The following GPR179 variants were observed in gnomAD, a reference collection of about 807,000 sequenced individuals.
GPR179 encodes G protein-coupled receptor 179.
GPR179 carries 52 observed loss-of-function variants against 70.8 expected under a neutral mutation model. The observed-to-expected ratio is 0.73, with a 90% CI of 0.59 to 0.93. GPR179 has a LOEUF of 0.93. Ranked by LOEUF, GPR179 falls within the 40% of genes least tolerant of loss-of-function variation. The pLI is 0.00. For synonymous variants in GPR179, 1,123 were observed against 1,169.0 expected, an observed-to-expected ratio of 0.96 and a Z score of 0.80; for missense variants, 2,734 against 2,966.8, an observed-to-expected ratio of 0.92 and a Z score of 1.82.
intron 3 of GPR179, 93 bp downstream of exon 3, chr17:38,337,540 G>T: frequency 8.9e-7 from 1 of 1,117,766 alleles, no homozygotes; most frequent in Non-Finnish European, 1.3e-6. Context: ...CCCTCCCAGT[G>T]TCTCACCCCA....
chr17:38,326,559 G>C lies in GPR179; in HGVS notation c.7010C>G (p.Ser2337Cys), dbSNP rs1319754448. 2 of 1,614,220 alleles carry C rather than the reference G, an allele frequency of 1.2e-6. No homozygotes were observed. Among genetic ancestry groups the C allele is most frequent in the South Asian group, 1.1e-5 (1 of 91,086 alleles). The change falls in exon 11 of 11, where the codon TCT becomes TGT. Residue 2337 changes from serine (S) to cysteine (C), a missense_variant. By Grantham distance (112) the Ser-to-Cys change is moderately radical. Coordinates refer to ENST00000616987, the MANE Select transcript of GPR179 (RefSeq NM_001004334.4). ...GCCTGAGTCTTCAGTTAAGGACGAA[G>C]ACTGAGACTCAGCTTCCTGGAGACT... ...EPSLQEAESQ[S>C]SSLTEDSGQV... is the part of the protein sequence containing the mutation.
intron 10 of GPR179, 144 bp from the exon 11 acceptor site, chr17:38,331,675 T>A (rs1157122938): frequency 2.1e-6 from 3 of 1,418,182 alleles, no homozygotes; most frequent in Non-Finnish European, 9.2e-7. Flanking sequence ...TCTAAAACTC[T>A]CGTAATTCAC....
chr17:38,337,879 CTT>C (rs1345680319), intron 2 of GPR179, among the ~76,000 whole-genome samples, 159 bp from the exon 3 acceptor site: 3 of 152,224 alleles, frequency 2.0e-5, no homozygotes, highest in Non-Finnish European at 2.9e-5. Context: ...CTTGGGAAGC[CTT>C]CCCTCTGTGG....
rs548138604 is a variant in GPR179, at chr17:38,331,925, A to G, written c.2038-394T>C. ...CAGTGTTAACTTCCTTAAGAGCATT[A>G]TATGAGATTGATGAGACTAGTGGGT... On this transcript the variant is annotated intron_variant, in intron 10 of 10. Transcript: ENST00000616987. Among the ~76,000 whole-genome samples the G allele has an allele frequency of 2.2e-4, 34 of 152,308 alleles. No homozygotes were observed. In the East Asian group the frequency reaches 5.8e-3, roughly 26 times the overall value.
chr17:38,343,243 C>G lies in GPR179; in HGVS notation c.547G>C (p.Val183Leu). 1 of 1,614,160 alleles carries G rather than the reference C, an allele frequency of 6.2e-7. No homozygotes were observed. The highest frequency in any genetic ancestry group is 1.1e-5 in the South Asian group (1 of 91,086). Residue 183 changes from valine (V) to leucine (L), a missense_variant, in exon 1 of 11, where the codon GTG becomes CTG. Coordinates refer to ENST00000616987, the MANE Select transcript of GPR179 (RefSeq NM_001004334.4). This position sits in a 1 kb window ranked among gnomAD's most constrained non-coding sequence, Gnocchi z 4.2. ...TILQDLSGNW[V>L]QEENPPGDLD... is the part of the protein sequence containing the mutation. ...TCCCCAGGAGGGTTCTCCTCCTGCACCCAGTTCCCAGACAAGTCCTGCAGG... is the reference window on the plus strand; with the variant it reads ...TCCCCAGGAGGGTTCTCCTCCTGCAGCCAGTTCCCAGACAAGTCCTGCAGG...
chr17:38,331,355 T>C lies in GPR179; in HGVS notation c.2214A>G (p.Ser738=), dbSNP rs778119474. The C allele has an allele frequency of 6.2e-7, 1 of 1,612,776 alleles. No individual in the cohort carries two copies. The highest frequency in any genetic ancestry group is 8.5e-7 in the Non-Finnish European group (1 of 1,179,600). The stretch of plus-strand genomic sequence containing the variant: ...GCAGGCTGCCGTGGCCTGGGGATCC[T>C]GAGTCCCGGGAGTGCTGCCTGGCCA... ...EALARQHSRD[S]GSPGHGSLPG... The change falls in exon 11 of 11, where the codon TCA becomes TCG. Residue 738 remains serine, a synonymous_variant. Coordinates refer to ENST00000616987, the MANE Select transcript of GPR179 (RefSeq NM_001004334.4).
Position 38,334,466 on chromosome 17 carries a change from T to C in GPR179, c.1784+238A>G. Among the ~76,000 whole-genome samples the C allele has an allele frequency of 6.6e-6, 1 of 150,728 alleles. No homozygotes were observed. Among genetic ancestry groups the C allele is most frequent in the East Asian group, 2.0e-4 (1 of 5,094 alleles). ...GAGGTGCTTTGGGAGGGGTGAGGAG[T>C]TAGGAGGAAGGTCCTCTTCCTCCTC... On this transcript the variant is annotated intron_variant, in intron 8 of 10. Coordinates refer to ENST00000616987, the MANE Select transcript of GPR179 (RefSeq NM_001004334.4). This position sits in a 1 kb window ranked among gnomAD's most constrained non-coding sequence, Gnocchi z 4.7.
At position 38,339,535 on chromosome 17, in the gene GPR179, T is replaced by A; in HGVS notation, c.795-10A>T. 1 of 1,598,760 alleles carries A rather than the reference T, an allele frequency of 6.3e-7. No individual in the cohort carries two copies. Among genetic ancestry groups the A allele is most frequent in the East Asian group, 2.2e-5 (1 of 44,788 alleles). On this transcript the variant is annotated splice_polypyrimidine_tract_variant and intron_variant, in intron 1 of 10. Transcript: ENST00000616987. The stretch of plus-strand genomic sequence containing the variant: ...CATCTGCACCTGCCCCCTACGGCAG[T>A]GAATTGGCAATTAGGGGCACAGTGA...
chr17:38,336,898 A>G, intron 4 of GPR179, 80 bp downstream of exon 4: 1 of 1,399,406 alleles, frequency 7.1e-7, no homozygotes, highest in Admixed American at 2.3e-5. Flanking sequence ...AATTTCTCCT[A>G]AATTCTGGTC....
At chr17:38,333,217 A>G in intron 10 of GPR179, 34 bp downstream of exon 10, 2 of 1,602,544 alleles carry the variant, frequency 1.2e-6, no homozygotes, top group Non-Finnish European at 1.7e-6. Context: ...CCTAAAAGCT[A>G]GCATTGAAAG....
At position 38,327,800 on chromosome 17, in the gene GPR179, A is replaced by G. The variant is rs2037304044; in HGVS notation, c.5769T>C (p.Gly1923=). 3.1e-6 allele frequency: 5 copies of G among 1,613,970 alleles called. No homozygotes were observed. The highest frequency in any genetic ancestry group is 4.2e-6 in the Non-Finnish European group (5 of 1,179,980). ...CTTGGGTTATGTGTTCTGGGAAGGAACCTGTCTTTGGGTCTTGTCTCAGGT... is the reference window on the plus strand; with the variant it reads ...CTTGGGTTATGTGTTCTGGGAAGGAGCCTGTCTTTGGGTCTTGTCTCAGGT... The part of the protein sequence containing the change: ...KGDLRQDPKT[G]SFPEHITQEK... Residue 1923 remains glycine, a synonymous_variant, in exon 11 of 11, where the codon GGT becomes GGC. Coordinates refer to ENST00000616987, the MANE Select transcript of GPR179 (RefSeq NM_001004334.4).
In GPR179 at chr17:38,328,800, G is replaced by GT. The variant is rs1373725531; in HGVS notation, c.4768dup (p.Thr1590AsnfsTer10). The GT allele has an allele frequency of 1.9e-6, 3 of 1,613,932 alleles. No homozygotes were observed. The East Asian group carries it at 6.7e-5, about 36-fold the overall frequency. On this transcript the variant is annotated frameshift_variant, in exon 11 of 11. Coordinates refer to ENST00000616987, the MANE Select transcript of GPR179 (RefSeq NM_001004334.4). LOFTEE classifies it low-confidence loss of function (END_TRUNC). ...ATTTACCTCCCAGGGACAGATTTCT[G>GT]TTTTGGCAGGTGTTGCTTCCTGTGC...
At position 38,329,633 on chromosome 17, in the gene GPR179, CCT is replaced by C. The variant is rs781771361; in HGVS notation, c.3934_3935del (p.Arg1312AlafsTer36). On this transcript the variant is annotated frameshift_variant, in exon 11 of 11. Coordinates refer to ENST00000616987, the MANE Select transcript of GPR179 (RefSeq NM_001004334.4). LOFTEE classifies it low-confidence loss of function (END_TRUNC). ...VVPMMRKKPE[R>X]LVREQEAVCP... The stretch of plus-strand genomic sequence containing the variant: ...ACACTGCTTCCTGCTCCCTCACCAG[CCT>C]CTCTGGCTTTTTCCGCATCATGGGA... 277 of 1,614,042 alleles carry C rather than the reference CCT, an allele frequency of 1.7e-4. 1 individual carries two copies. The highest frequency in any genetic ancestry group is 2.2e-4 in the Non-Finnish European group (264 of 1,180,056).
rs897782947 is a variant in GPR179, at chr17:38,335,961, T to C, written c.1296+115A>G. 6 of 813,778 alleles carry C rather than the reference T, an allele frequency of 7.4e-6. No homozygotes were observed. The African/African-American group carries it at 1.0e-4, about 14-fold the overall frequency. The allele number at this position is 813,778 out of a possible 1,614,324, so 50.4% of individuals were successfully genotyped here. On this transcript the variant is annotated intron_variant, in intron 5 of 10. Transcript: ENST00000616987. ...TTTGTGGGTAAGAGTAGGGGAAATC[T>C]GTGGTCTCTGAATCCCTTCCAGAGG... is the stretch of plus-strand genomic sequence containing the variant.
In GPR179 at chr17:38,337,649, C is replaced by A; in HGVS notation, c.975G>T (p.Gly325=). 6.2e-7 allele frequency: 1 copy of A among 1,606,640 alleles called. No individual in the cohort carries two copies. Among genetic ancestry groups the A allele is most frequent in the Admixed American group, 1.7e-5 (1 of 58,796 alleles). ...YLCRCRPGFY[G]ASPSGGLEES... ...CTTACATACCCCCAGAGGGGCTTGC[C>A]CCGTAGAATCCAGGTCGGCAGCGGC... The change falls in exon 3 of 11, where the codon GGG becomes GGT. Residue 325 remains glycine (G), a synonymous_variant. Coordinates refer to ENST00000616987, the MANE Select transcript of GPR179 (RefSeq NM_001004334.4).
rs763256964 is a variant in GPR179, at chr17:38,330,885, C to T, written c.2684G>A (p.Arg895Gln). Residue 895 changes from arginine (R) to glutamine (Q), a missense_variant, in exon 11 of 11, where the codon CGA becomes CAA. Physicochemically the swap from Arg to Gln is conservative, Grantham distance 43. Transcript: ENST00000616987. Reference sequence around the variant, plus strand: ...AGGTGGAGCTGACAGGGGGGCCCCTCGAGGCCGCTCCAGCCTCCTGGCTGA... The same window carrying T: ...AGGTGGAGCTGACAGGGGGGCCCCTTGAGGCCGCTCCAGCCTCCTGGCTGA... The part of the protein sequence containing the change: ...RPSARRLERP[R>Q]GAPLSAPPSP... The T allele has an allele frequency of 9.4e-6, 15 of 1,600,878 alleles. No individual in the cohort carries two copies. The highest frequency in any genetic ancestry group is 1.7e-4 in the Middle Eastern group (1 of 6,016).
At chr17:38,341,486 T>A (rs2037448504) in intron 1 of GPR179, among the ~76,000 whole-genome samples, 1 of 152,224 alleles carries the variant, frequency 6.6e-6, no homozygotes, top group Admixed American at 6.5e-5. Flanking sequence ...GGACCAGCAG[T>A]TCCCCAGCCT....
chr17:38,342,900 T>C, intron 1 of GPR179, 96 bp downstream of exon 1: 3 of 1,206,332 alleles, frequency 2.5e-6, no homozygotes, highest in East Asian at 4.7e-5. Flanking sequence ...GGCATGCACA[T>C]GTTCGTGCCA....
chr17:38,328,589 G>A lies in GPR179; in HGVS notation c.4980C>T (p.Ser1660=), dbSNP rs1170126004. 2.5e-6 allele frequency: 4 copies of A among 1,614,112 alleles called. 1 individual carries two copies. The South Asian group carries it at 4.4e-5, about 18-fold the overall frequency. Residue 1660 remains serine (S), a synonymous_variant, in exon 11 of 11, where the codon TCC becomes TCT. Transcript: ENST00000616987. The part of the protein sequence containing the change: ...PWESVDPGSF[S]PQPRPQDTER... ...CTGTGTCTTGAGGACGTGGTTGTGG[G>A]GAGAAGCTGCCAGGGTCCACACTCT...
Sources: gnomAD v4.1 joint callset for allele counts (sites outside exome capture counted in the v4.1 genomes callset) on GRCh38, gnomAD v4.1.1 for gene constraint, Gnocchi (gnomAD v3.1) non-coding constraint, MANE v1.5 for transcripts, NCBI Gene and HGNC (gene_info 2026-07-23, HGNC 2026-07-21) for gene names.